The following CFAP221 variants were observed in gnomAD, a reference collection of about 807,000 sequenced individuals.
The protein encoded by CFAP221 is cilia- and flagella-associated protein 221.
In CFAP221, 97 loss-of-function variants were observed where a neutral mutation model predicts 113.1. The ratio of observed to expected loss-of-function variants is 0.86; its 90% CI spans 0.73 to 1.02. The LOEUF is 1.02. Ranked by LOEUF, CFAP221 falls within the 50% of genes least tolerant of loss-of-function variation. The probability of loss-of-function intolerance (pLI) is 0.00; values close to 1 mark genes in which losing one functional copy is unlikely to be tolerated. For synonymous variants in CFAP221, 331 were observed against 354.4 expected (o/e 0.93, Z 0.74); for missense variants, 1,025 against 1,013.4 (o/e 1.01, Z -0.16).
At chr2:119,588,724 A>AT (rs1683386166) in intron 7 of CFAP221, among the ~76,000 whole-genome samples, 1 of 152,158 alleles carries the variant, frequency 6.6e-6, no homozygotes, top group South Asian at 2.1e-4. Flanking sequence ...TACTTTGTTT[A>AT]TTACTTAATA....
intron 19 of CFAP221, among the ~76,000 whole-genome samples, chr2:119,636,073 C>A (rs1229087609): frequency 1.3e-5 from 2 of 151,946 alleles, no homozygotes; most frequent in African/African-American, 2.4e-5. Flanking sequence ...GGCCTTGATA[C>A]CAGAACTCTT....
chr2:119,597,644 A>C (rs1168771433), intron 7 of CFAP221, among the ~76,000 whole-genome samples: 2 of 152,204 alleles, frequency 1.3e-5, no homozygotes, highest in African/African-American at 2.4e-5. Flanking sequence ...GAGCCAAGAA[A>C]AGCAGAAATT....
chr2:119,572,362 T>C (rs1682119647), intron 6 of CFAP221, among the ~76,000 whole-genome samples: 1 of 152,232 alleles, frequency 6.6e-6, no homozygotes, highest in African/African-American at 2.4e-5. Context: ...TCCTAACCAT[T>C]ATGGCTGGTT....
intron 19 of CFAP221, among the ~76,000 whole-genome samples, chr2:119,631,965 A>G (rs1278805668): frequency 6.6e-6 from 1 of 152,234 alleles, no homozygotes; most frequent in Non-Finnish European, 1.5e-5. Context: ...ATTTAAGAGG[A>G]GATAAATAGC....
At chr2:119,588,784 G>A (rs936058376) in intron 7 of CFAP221, among the ~76,000 whole-genome samples, 9 of 152,190 alleles carry the variant, frequency 5.9e-5, no homozygotes, top group South Asian at 2.1e-4. Flanking sequence ...CCAGTTTGGA[G>A]TTGAGAGAGA....
chr2:119,581,408 T>G (rs1341954792), intron 6 of CFAP221, among the ~76,000 whole-genome samples: 1 of 152,136 alleles, frequency 6.6e-6, no homozygotes, highest in African/African-American at 2.4e-5. Flanking sequence ...TCTTAAAAAT[T>G]CAAAATATAG....
intron 6 of CFAP221, among the ~76,000 whole-genome samples, chr2:119,586,128 G>C (rs1683204295): frequency 1.3e-5 from 2 of 152,156 alleles, no homozygotes; most frequent in South Asian, 4.1e-4. Flanking sequence ...CAGAAGGTAT[G>C]GGGTAGAGAA....
chr2:119,631,006 T>A, intron 19 of CFAP221, 105 bp downstream of exon 19: 1 of 1,495,030 alleles, frequency 6.7e-7, no homozygotes, highest in South Asian at 1.4e-5. Context: ...TCTTTGGAAT[T>A]TCAAGTGTTA....
intron 21 of CFAP221, among the ~76,000 whole-genome samples, chr2:119,641,116 T>G (rs1331146708): frequency 6.6e-6 from 1 of 152,164 alleles, no homozygotes; most frequent in East Asian, 1.9e-4. Context: ...TCCTTCATCA[T>G]CTTCATTGAA....
intron 7 of CFAP221, among the ~76,000 whole-genome samples, chr2:119,589,440 C>T (rs1683442723): frequency 6.6e-6 from 1 of 152,232 alleles, no homozygotes; most frequent in Non-Finnish European, 1.5e-5. Flanking sequence ...GCATTATTGC[C>T]TCCGTTTTAC....
chr2:119,601,644 C>T, intron 8 of CFAP221: 1 of 321,576 alleles, frequency 3.1e-6, no homozygotes. Context: ...TACTGGTGCA[C>T]TGTTGGAATT....
rs182462823 is a variant in CFAP221 at position 119,605,101 on chromosome 2, G to A, written c.1025-80G>A. 1.4e-4 allele frequency: 206 copies of A among 1,462,116 alleles called. 7 individuals are homozygous for A. In the South Asian group the frequency reaches 2.0e-3, roughly 14 times the overall value. 90.6% of individuals were successfully genotyped at this position (1,462,116 alleles called of 1,614,324 possible). On this transcript the variant is annotated intron_variant, in intron 10 of 23. Transcript: ENST00000413369. ...TTCAGTTAGATTGCTGTTATGCCTC[G>A]CCATTAGAAATGTGTTTTTCTCTCC... is the stretch of plus-strand genomic sequence containing the variant.
At chr2:119,592,624 T>C (rs185567990) in intron 7 of CFAP221, among the ~76,000 whole-genome samples, 1 of 152,376 alleles carries the variant, frequency 6.6e-6, no homozygotes, top group East Asian at 1.9e-4. Context: ...CTTCAGTTTT[T>C]CTGGCTGTCT....
At chr2:119,594,077 T>C (rs755124775) in intron 7 of CFAP221, among the ~76,000 whole-genome samples, 6 of 152,178 alleles carry the variant, frequency 3.9e-5, no homozygotes, top group Admixed American at 6.5e-5. Flanking sequence ...TCTTTTTCCA[T>C]GTGTCTCCTG....
intron 12 of CFAP221, among the ~76,000 whole-genome samples, chr2:119,611,275 A>G (rs1685139918): frequency 6.6e-6 from 1 of 152,148 alleles, no homozygotes; most frequent in Admixed American, 6.5e-5. Flanking sequence ...AATAATTTCC[A>G]AAGACACTAT....
chr2:119,639,999 A>G (rs1687385519), intron 21 of CFAP221, 127 bp downstream of exon 21: 1 of 749,678 alleles, frequency 1.3e-6, no homozygotes, highest in Non-Finnish European at 2.2e-6. Flanking sequence ...GAAGTTTGCT[A>G]GTCAAAGAAA....
intron 13 of CFAP221, among the ~76,000 whole-genome samples, chr2:119,612,934 C>T (rs1018830440): frequency 1.3e-5 from 2 of 152,168 alleles, no homozygotes; most frequent in Non-Finnish European, 1.5e-5. Flanking sequence ...AAATCAAAAG[C>T]AAGTTAGTTA....
intron 21 of CFAP221, among the ~76,000 whole-genome samples, chr2:119,640,779 A>C (rs982450588): frequency 8.5e-5 from 13 of 152,092 alleles, no homozygotes; most frequent in Non-Finnish European, 1.8e-4. Context: ...CACACACCCC[A>C]GCTCCCACTC....
chr2:119,560,976 A>T (rs1427458958), intron 5 of CFAP221, among the ~76,000 whole-genome samples: 2 of 151,856 alleles, frequency 1.3e-5, no homozygotes, highest in African/African-American at 2.4e-5. Flanking sequence ...GACCATTATT[A>T]TTTTTTTGGA....
Sources: gnomAD v4.1 joint callset for allele counts (sites outside exome capture counted in the v4.1 genomes callset) on GRCh38, gnomAD v4.1.1 for gene constraint, MANE v1.5 for transcripts, NCBI Gene and HGNC (gene_info 2026-07-23, HGNC 2026-07-21) for gene names.